Variants in ARL9 observed in about 807,000 individuals in gnomAD.
ARL9 encodes the protein ARF like GTPase 9.
ARL9 carries 14 observed loss-of-function variants against 27.0 expected under a neutral mutation model. The ratio of observed to expected loss-of-function variants is 0.52; its 90% confidence interval spans 0.34 to 0.81. ARL9 has a LOEUF of 0.81. ARL9 is among the 30% of genes least tolerant of loss of function. The pLI is 0.01. For missense variants in ARL9, 294 were observed against 290.0 expected (o/e 1.01, Z -0.10); for synonymous variants, 106 against 108.7 (o/e 0.98, Z 0.15).
intron 1 of ARL9, among the ~76,000 whole-genome samples, chr4:56,510,970 A>C (rs1490876389): frequency 1.3e-5 from 2 of 151,920 alleles, no homozygotes; most frequent in Non-Finnish European, 2.9e-5. Context: ...ATGGGGTTTC[A>C]CCATGTTGGC....
chr4:56,506,912 C>T (rs1721483307), intron 1 of ARL9, among the ~76,000 whole-genome samples: 1 of 151,632 alleles, frequency 6.6e-6, no homozygotes, highest in Non-Finnish European at 1.5e-5. Context: ...GCCCCCATCT[C>T]CCAACCTCAG....
chr4:56,513,412 G>A lies in ARL9; in HGVS notation c.442+2065G>A, dbSNP rs1721691547. Among the ~76,000 whole-genome samples the A allele has an allele frequency of 3.9e-5, 6 of 152,188 alleles. No homozygotes were observed. In the South Asian group the frequency reaches 1.2e-3, roughly 31 times the overall value. Reference sequence around the variant, plus strand: ...TACAGATCATCTCTAAAAAATTCTTGTAGTTTATGCACTAAAAAGTAGTGG... The same window carrying A: ...TACAGATCATCTCTAAAAAATTCTTATAGTTTATGCACTAAAAAGTAGTGG... On this transcript the variant is annotated intron_variant, in intron 2 of 3. Coordinates refer to ENST00000640821, the MANE Select transcript of ARL9 (RefSeq NM_001363794.2).
chr4:56,506,834 T>G (rs892583394), intron 1 of ARL9, among the ~76,000 whole-genome samples: 10 of 127,386 alleles, frequency 7.9e-5, no homozygotes, highest in South Asian at 2.5e-4. Context: ...GTGTGTGTGT[T>G]CTTTTTTGAG....
Position 56,523,907 on chromosome 4 carries a change from C to A in ARL9, c.*31C>A. On this transcript the variant is annotated 3_prime_UTR_variant, in exon 4 of 4. Coordinates refer to ENST00000640821, the MANE Select transcript of ARL9 (RefSeq NM_001363794.2). ...ACTCAGCCCACTGTGCGGCTCACGA[C>A]TGAGATGTCATCAGTGTTGAATGGC... is the stretch of plus-strand genomic sequence containing the variant. 6.3e-7 allele frequency: 1 copy of A among 1,583,960 alleles called. No individual in the cohort carries two copies.
intron 2 of ARL9, among the ~76,000 whole-genome samples, chr4:56,516,723 G>C (rs1361013837): frequency 6.6e-6 from 1 of 152,082 alleles, no homozygotes; most frequent in Non-Finnish European, 1.5e-5. Context: ...TGGAGTTCAA[G>C]GGTTCAAGAC....
At chr4:56,521,592 C>T (rs1721919506) in intron 3 of ARL9, among the ~76,000 whole-genome samples, 1 of 152,194 alleles carries the variant, frequency 6.6e-6, no homozygotes, top group South Asian at 2.1e-4. Context: ...CTTCCACCAG[C>T]AGAATATGAC....
intron 3 of ARL9, 89 bp from the exon 4 acceptor site, chr4:56,523,608 G>C: frequency 9.4e-7 from 1 of 1,064,822 alleles, no homozygotes; most frequent in South Asian, 1.7e-5. Flanking sequence ...TGGTCACTGA[G>C]AGCAATAAAT....
At chr4:56,519,165 T>G (rs1578214078) in intron 3 of ARL9, among the ~76,000 whole-genome samples, 1 of 152,242 alleles carries the variant, frequency 6.6e-6, no homozygotes, top group South Asian at 2.1e-4. Flanking sequence ...AAAATCATTT[T>G]GCTTTAGACC....
rs571587539 is a variant in ARL9, at chr4:56,517,556, A to G, written c.443-1122A>G. ...TTTGATATAATAGTCCTGTGTTAGA[A>G]AATGTTATTCTGTCTTTTTTTTTCT... On this transcript the variant is annotated intron_variant, in intron 2 of 3. Transcript: ENST00000640821. 2.4e-4 allele frequency among the ~76,000 whole-genome samples: 36 copies of G among 151,702 alleles called. 1 individual carries two copies. The highest frequency in any genetic ancestry group is 7.0e-4 in the African/African-American group (29 of 41,504).
At chr4:56,512,458 T>C (rs1187728262) in intron 2 of ARL9, among the ~76,000 whole-genome samples, 1 of 152,084 alleles carries the variant, frequency 6.6e-6, no homozygotes, top group Non-Finnish European at 1.5e-5. Flanking sequence ...TCAGAAATAC[T>C]ACTACCCCTG....
intron 2 of ARL9, among the ~76,000 whole-genome samples, chr4:56,512,091 A>C (rs1162795329): frequency 6.6e-6 from 1 of 152,186 alleles, no homozygotes; most frequent in African/African-American, 2.4e-5. Flanking sequence ...CAAGTAAAAC[A>C]CTATGAATTT....
chr4:56,523,223 C>T (rs1721975259), intron 3 of ARL9, among the ~76,000 whole-genome samples: 1 of 151,992 alleles, frequency 6.6e-6, no homozygotes, highest in African/African-American at 2.4e-5. Flanking sequence ...CTCCTCTTTA[C>T]AAAAGATTTT....
intron 2 of ARL9, among the ~76,000 whole-genome samples, chr4:56,513,020 A>G (rs78127583): frequency 1.6e-3 from 240 of 152,350 alleles, no homozygotes; most frequent in African/African-American, 5.1e-3. Flanking sequence ...TACATATTCA[A>G]CAAAAATGCA....
chr4:56,508,496 CCTTA>C (rs1277048965), intron 1 of ARL9, among the ~76,000 whole-genome samples: 1 of 152,046 alleles, frequency 6.6e-6, no homozygotes. Flanking sequence ...GATTGTCCTG[CCTTA>C]CTTAGCCTCC....
chr4:56,505,391 C>T (rs775483211), upstream of ARL9: 29 of 457,332 alleles, frequency 6.3e-5, no homozygotes, highest in South Asian at 4.5e-4. Flanking sequence ...ATTCTGACGC[C>T]CCAGGGGTTC....
At position 56,508,742 on chromosome 4, in the gene ARL9, A is replaced by G. The variant is rs537998573; in HGVS notation, c.280-2443A>G. On this transcript the variant is annotated intron_variant, in intron 1 of 3. Coordinates refer to ENST00000640821, the MANE Select transcript of ARL9 (RefSeq NM_001363794.2). ...GGCCTTCATAAATCATGATCTCTGT[A>G]CAAGTCTTTATTAGGCCAGACCTCA... Among the ~76,000 whole-genome samples the G allele has an allele frequency of 1.1e-4, 16 of 152,308 alleles. No individual in the cohort carries two copies. In the South Asian group the frequency reaches 3.3e-3, roughly 32 times the overall value.
intron 2 of ARL9, among the ~76,000 whole-genome samples, chr4:56,512,912 A>T (rs1721676331): frequency 6.6e-6 from 1 of 152,084 alleles, no homozygotes. Flanking sequence ...AATAACATTC[A>T]CTATTTATTT....
At chr4:56,522,336 G>T (rs866835952) in intron 3 of ARL9, among the ~76,000 whole-genome samples, 1 of 151,548 alleles carries the variant, frequency 6.6e-6, no homozygotes, top group Non-Finnish European at 1.5e-5. Context: ...CAGGGGAATC[G>T]CTTGAACCTG....
rs1455055191 is a variant in ARL9, at chr4:56,523,762, T to C, written c.684T>C (p.Asn228=). ...CTTTGGCATTATCTGAAGTGGGAAA[T>C]GACAGGAAGATGTTCTTGTTTGGAA... is the stretch of plus-strand genomic sequence containing the variant. ...HEALALSEVG[N]DRKMFLFGTY... Residue 228 remains asparagine (N), a synonymous_variant, in exon 4 of 4, where the codon AAT becomes AAC. Coordinates refer to ENST00000640821, the MANE Select transcript of ARL9 (RefSeq NM_001363794.2). 1.2e-6 allele frequency: 2 copies of C among 1,613,964 alleles called. No homozygotes were observed. The highest frequency in any genetic ancestry group is 1.7e-6 in the Non-Finnish European group (2 of 1,179,854).
Sources: gnomAD v4.1 joint callset for allele counts (sites outside exome capture counted in the v4.1 genomes callset) on GRCh38, gnomAD v4.1.1 for gene constraint, MANE v1.5 for transcripts, NCBI Gene and HGNC (gene_info 2026-07-23, HGNC 2026-07-21) for gene names.